Variants in PRKG1 observed in about 807,000 individuals in gnomAD.
PRKG1 encodes the protein protein kinase cGMP-dependent 1.
Under a neutral mutation model 88.1 loss-of-function variants are expected in PRKG1, and 35 were observed. That is an observed-to-expected ratio of 0.40 (90% CI 0.30 to 0.53). The LOEUF (loss-of-function observed/expected upper bound fraction) is 0.53. Ranked by LOEUF, PRKG1 falls within the 20% of genes least tolerant of loss-of-function variation. The pLI, the probability that PRKG1 is intolerant of heterozygous loss-of-function variation, is 0.59. For missense variants in PRKG1, 540 were observed against 839.8 expected (o/e 0.64, Z 4.41); for synonymous variants, 303 against 292.5 (o/e 1.04, Z -0.37).
At chr10:52,104,008 AAT>A (rs138580126) in intron 7 of PRKG1, among the ~76,000 whole-genome samples, 45,620 of 145,194 alleles carry the variant, frequency 0.31, 8,086 homozygotes, top group Middle Eastern at 0.42. Flanking sequence ...GTGTATATAT[AAT>A]ATATATATAT....
intron 2 of PRKG1, among the ~76,000 whole-genome samples, chr10:51,161,067 G>T (rs1846348171): frequency 6.6e-6 from 1 of 152,060 alleles, no homozygotes; most frequent in Admixed American, 6.6e-5. Context: ...TATATTTTAA[G>T]AATTCTTTAT....
chr10:51,104,011 C>T (rs1844752955), intron 1 of PRKG1, among the ~76,000 whole-genome samples: 2 of 152,000 alleles, frequency 1.3e-5, no homozygotes, highest in South Asian at 4.2e-4. Flanking sequence ...ATGATCTCAC[C>T]ACATTTGATA....
At chr10:52,130,798 A>G (rs77615899) in intron 7 of PRKG1, among the ~76,000 whole-genome samples, 2,710 of 152,314 alleles carry the variant, frequency 0.018, 83 homozygotes, top group African/African-American at 0.06. Context: ...AATTGAAAAT[A>G]CATTGCTTAC....
At chr10:51,690,345 G>A (rs1181529337) in intron 3 of PRKG1, among the ~76,000 whole-genome samples, 1 of 151,460 alleles carries the variant, frequency 6.6e-6, no homozygotes, top group Non-Finnish European at 1.5e-5. Context: ...CTATATCAGG[G>A]CTATATAGGA....
rs1167219822 is a variant in PRKG1 at position 51,843,093 on chromosome 10, C to CTTT, written c.698+38424_698+38426dup. Among the ~76,000 whole-genome samples the CTTT allele has an allele frequency of 4.0e-3, 347 of 87,822 alleles. 4 individuals carry two copies. Among genetic ancestry groups the CTTT allele is most frequent in the African/African-American group, 7.9e-3 (186 of 23,572 alleles). 57.6% of individuals were successfully genotyped at this position (87,822 alleles called of 152,430 possible). A position where few individuals can be genotyped will look rare whatever the true frequency, so the allele number is the denominator to read the frequency against. ...TTTATTTAAATTTAGGAAAATTATT[C>CTTT]TTTTTTTTTTTTTTTTTTTTTTTGA... On this transcript the variant is annotated intron_variant, in intron 4 of 17. Coordinates refer to ENST00000373980, the MANE Select transcript of PRKG1 (RefSeq NM_006258.4).
chr10:51,466,108 CTG>C (rs1839898596), intron 2 of PRKG1, among the ~76,000 whole-genome samples: 1 of 152,022 alleles, frequency 6.6e-6, no homozygotes, highest in South Asian at 2.1e-4. Flanking sequence ...TTTTTAACCT[CTG>C]TGTGGTATTC....
chr10:52,164,848 T>G (rs12217323), intron 9 of PRKG1, among the ~76,000 whole-genome samples: 12,208 of 152,214 alleles, frequency 0.08, 513 homozygotes, highest in African/African-American at 0.11. Context: ...GTGAAATGAT[T>G]ATCACAATCA....
chr10:51,692,205 G>T (rs1453842707), intron 3 of PRKG1, among the ~76,000 whole-genome samples: 1 of 150,954 alleles, frequency 6.6e-6, no homozygotes, highest in Admixed American at 6.6e-5. Flanking sequence ...AAATGTTAAG[G>T]CACCAAGCAA....
At chr10:52,185,835 C>A (rs533822826) in intron 9 of PRKG1, among the ~76,000 whole-genome samples, 2 of 152,182 alleles carry the variant, frequency 1.3e-5, no homozygotes, top group Non-Finnish European at 2.9e-5. Context: ...TGAGCAGGAT[C>A]TGGAGGCTTT....
intron 1 of PRKG1, among the ~76,000 whole-genome samples, chr10:51,076,471 C>A: frequency 6.6e-6 from 1 of 152,192 alleles, no homozygotes; most frequent in East Asian, 1.9e-4. Context: ...AAAAATAACT[C>A]AAAGACAGCT....
chr10:51,222,547 T>G (rs1337369564), intron 2 of PRKG1, among the ~76,000 whole-genome samples: 1 of 152,204 alleles, frequency 6.6e-6, no homozygotes, highest in Non-Finnish European at 1.5e-5. Context: ...ACTTCATTTC[T>G]TTAATAAGGT....
chr10:51,788,248 A>G (rs968860188), intron 3 of PRKG1, among the ~76,000 whole-genome samples: 22 of 152,176 alleles, frequency 1.4e-4, no homozygotes, highest in Admixed American at 3.9e-4. Flanking sequence ...GCATAATCAT[A>G]CAATCAACCT....
chr10:51,518,013 T>A (rs1344326119), intron 3 of PRKG1, among the ~76,000 whole-genome samples: 1 of 152,326 alleles, frequency 6.6e-6, no homozygotes, highest in East Asian at 1.9e-4. Flanking sequence ...ATCTTTGTTT[T>A]TTTGAGACAA....
At chr10:51,687,519 G>A (rs1448555063) in intron 3 of PRKG1, among the ~76,000 whole-genome samples, 1 of 152,122 alleles carries the variant, frequency 6.6e-6, no homozygotes, top group African/African-American at 2.4e-5. Context: ...TGTGATGTTA[G>A]GCAATATTTC....
intron 9 of PRKG1, among the ~76,000 whole-genome samples, chr10:52,193,084 A>T (rs1839407237): frequency 6.6e-6 from 1 of 152,168 alleles, no homozygotes; most frequent in Non-Finnish European, 1.5e-5. Context: ...CAAAGGCTCT[A>T]GTTTTCTCAG....
chr10:52,146,763 T>G (rs1168711789), intron 8 of PRKG1, among the ~76,000 whole-genome samples: 1 of 152,224 alleles, frequency 6.6e-6, no homozygotes, highest in Admixed American at 6.5e-5. Context: ...TTCTCTGTGT[T>G]AAACTTTACC....
At chr10:51,970,436 A>G (rs1171170137) in intron 5 of PRKG1, among the ~76,000 whole-genome samples, 2 of 151,356 alleles carry the variant, frequency 1.3e-5, no homozygotes. Context: ...TAGAGCCCCT[A>G]TTTTTATAAA....
At chr10:52,291,135 C>A (rs1405691021) in intron 17 of PRKG1, among the ~76,000 whole-genome samples, 2 of 151,916 alleles carry the variant, frequency 1.3e-5, no homozygotes, top group African/African-American at 4.8e-5. Context: ...GTTGGCCAGG[C>A]TGGTCTTGAA....
chr10:51,535,459 A>T (rs1197582427), intron 3 of PRKG1, among the ~76,000 whole-genome samples: 2 of 152,210 alleles, frequency 1.3e-5, no homozygotes, highest in Non-Finnish European at 2.9e-5. Context: ...GGAAGTAAAG[A>T]AGAAACCCAA....
Sources: allele counts gnomAD v4.1 joint callset (sites outside exome capture counted in the v4.1 genomes callset), GRCh38; gene constraint gnomAD v4.1.1; transcripts MANE v1.5; gene names NCBI Gene and HGNC (gene_info 2026-07-23, HGNC 2026-07-21).